Variants in MTOR observed in about 807,000 individuals in gnomAD.
MTOR encodes mechanistic target of rapamycin kinase.
In MTOR, 70 loss-of-function variants were observed where a neutral mutation model predicts 319.8. The ratio of observed to expected loss-of-function variants is 0.22; its 90% CI spans 0.18 to 0.27. The LOEUF (loss-of-function observed/expected upper bound fraction) is 0.27. MTOR is among the 10% of genes least tolerant of loss of function. The probability of loss-of-function intolerance (pLI) is 1.00; values close to 1 mark genes in which losing one functional copy is unlikely to be tolerated. For synonymous variants in MTOR, 1,183 were observed against 1,211.4 expected (o/e 0.98, Z 0.49); for missense variants, 1,890 against 3,274.4 (o/e 0.58, Z 10.32).
rs1433624424 is a variant in MTOR, at chr1:11,115,501, T to C, written c.7017-33A>G. The C allele has an allele frequency of 1.3e-6, 2 of 1,594,184 alleles. No homozygotes were observed. The highest frequency in any genetic ancestry group is 1.7e-5 in the Admixed American group (1 of 59,964). ...AAACAGAAGACAGATCAGGGAGGGA[T>C]CAACAGAGATAACGGATGAAAAAAT... is the stretch of plus-strand genomic sequence containing the variant. On this transcript the variant is annotated intron_variant, in intron 50 of 57. Transcript: ENST00000361445. The surrounding 1 kb of genome is among the most constrained non-coding windows in gnomAD (Gnocchi z 4.5).
At chr1:11,189,304 T>G in intron 28 of MTOR, 2 of 317,342 alleles carry the variant, frequency 6.3e-6, no homozygotes, top group Non-Finnish European at 5.8e-6. Context: ...ATGGTAGGGG[T>G]GGAGGTACAG....
chr1:11,146,794 A>G lies in MTOR; in HGVS notation c.4571-3T>C. 1 of 1,607,064 alleles carries G rather than the reference A, an allele frequency of 6.2e-7. No homozygotes were observed. ...TTCTTCCATGCTGTCCCACTGACCT[A>G]TACACACACACATAGACAGAAAGCA... On this transcript the variant is annotated splice_region_variant and splice_polypyrimidine_tract_variant and intron_variant, in intron 31 of 57. Transcript: ENST00000361445.
chr1:11,165,595 G>A (rs1259254200), intron 29 of MTOR, among the ~76,000 whole-genome samples: 2 of 151,846 alleles, frequency 1.3e-5, no homozygotes, highest in East Asian at 3.9e-4. Flanking sequence ...AAATAAAAGA[G>A]GACACAAACA....
chr1:11,114,590 A>G (rs1294780562), intron 52 of MTOR, 137 bp from the exon 53 acceptor site: 1 of 1,297,994 alleles, frequency 7.7e-7, no homozygotes, highest in Non-Finnish European at 1.1e-6. Context: ...TCTTAGGAGA[A>G]GGAATCAGGG....
chr1:11,220,753 A>G (rs2100823104), intron 19 of MTOR, among the ~76,000 whole-genome samples: 2 of 152,334 alleles, frequency 1.3e-5, no homozygotes, highest in African/African-American at 4.8e-5. Flanking sequence ...TCCTGTCAAC[A>G]TCTTGATTTT....
intron 15 of MTOR, 71 bp downstream of exon 15, chr1:11,233,327 T>C: frequency 3.6e-6 from 5 of 1,405,068 alleles, no homozygotes; most frequent in Non-Finnish European, 4.9e-6. Context: ...AAAAATAGTA[T>C]TTTGACTTCC....
intron 28 of MTOR, among the ~76,000 whole-genome samples, chr1:11,191,966 T>C (rs1051324061): frequency 1.3e-5 from 2 of 152,194 alleles, no homozygotes; most frequent in Non-Finnish European, 2.9e-5. Context: ...GTAACATTTC[T>C]AGAATTCATG....
intron 10 of MTOR, 132 bp downstream of exon 10, chr1:11,241,421 T>C: frequency 9.5e-7 from 1 of 1,058,068 alleles, no homozygotes; most frequent in Non-Finnish European, 1.3e-6. Flanking sequence ...TACTAGCCTG[T>C]GTGTTTAGTC....
At chr1:11,176,714 G>C (rs143692141) in intron 28 of MTOR, among the ~76,000 whole-genome samples, 2 of 152,318 alleles carry the variant, frequency 1.3e-5, no homozygotes, top group African/African-American at 4.8e-5. Flanking sequence ...GTATCAAGCA[G>C]TTTCTCTCAT....
chr1:11,150,274 C>T (rs28730683), intron 30 of MTOR, 48 bp from the exon 31 acceptor site: 1 of 1,522,398 alleles, frequency 6.6e-7, no homozygotes, highest in Non-Finnish European at 9.0e-7. Context: ...TCTCCTTAAA[C>T]TACCAATCTT....
chr1:11,156,424 G>C (rs1008462027), intron 30 of MTOR, among the ~76,000 whole-genome samples: 2 of 152,122 alleles, frequency 1.3e-5, no homozygotes, highest in South Asian at 4.1e-4. Flanking sequence ...ACATTCCCAA[G>C]CAACTCTCCA....
intron 36 of MTOR, among the ~76,000 whole-genome samples, chr1:11,138,250 CAGG>C (rs1557764429): frequency 2.4e-4 from 37 of 152,286 alleles, no homozygotes; most frequent in African/African-American, 8.7e-4. Flanking sequence ...TGGAGGAGGT[CAGG>C]CTTTGAATCA....
chr1:11,238,555 CCTTGTG>C lies in MTOR; in HGVS notation c.1843_1848del (p.His615_Lys616del). 1 of 1,614,194 alleles carries C rather than the reference CCTTGTG, an allele frequency of 6.2e-7. No individual in the cohort carries two copies. Among genetic ancestry groups the C allele is most frequent in the Non-Finnish European group, 8.5e-7 (1 of 1,180,042 alleles). ...GTGCGGGCAGCCTCCATGCGGATCT[CCTTGTG>C]CTCACTGTTCAGGAAATGATCCGCA... On this transcript the variant is annotated inframe_deletion, in exon 12 of 58. Coordinates refer to ENST00000361445, the MANE Select transcript of MTOR (RefSeq NM_004958.4).
chr1:11,242,418 T>C (rs1648173164), intron 9 of MTOR, among the ~76,000 whole-genome samples: 1 of 141,962 alleles, frequency 7.0e-6, no homozygotes, highest in African/African-American at 2.6e-5. Flanking sequence ...GAGAATCGCT[T>C]GAACCTGAGA....
At chr1:11,236,998 A>G (rs1647299097) in intron 13 of MTOR, among the ~76,000 whole-genome samples, 1 of 152,250 alleles carries the variant, frequency 6.6e-6, no homozygotes. Flanking sequence ...ACAAATTGTG[A>G]ACAAACATTT....
chr1:11,227,652 A>C (rs968820354), intron 19 of MTOR, among the ~76,000 whole-genome samples: 11 of 152,170 alleles, frequency 7.2e-5, no homozygotes, highest in Non-Finnish European at 1.2e-4. Flanking sequence ...AAAGAAAGAC[A>C]CAAGAAACAG....
At chr1:11,147,186 G>A (rs1221652916) in intron 31 of MTOR, among the ~76,000 whole-genome samples, 1 of 152,174 alleles carries the variant, frequency 6.6e-6, no homozygotes. Flanking sequence ...CAGTTCAATG[G>A]TATGTTGGGA....
At chr1:11,136,577 G>A (rs2100462100) in intron 36 of MTOR, among the ~76,000 whole-genome samples, 1 of 152,284 alleles carries the variant, frequency 6.6e-6, no homozygotes. Context: ...ATAGCTCCCT[G>A]CAGACTTGAA....
rs572274698 is a variant in MTOR at position 11,215,853 on chromosome 1, T to G, written c.3117+295A>C. 8.5e-5 allele frequency among the ~76,000 whole-genome samples: 13 copies of G among 152,348 alleles called. No individual in the cohort carries two copies. The East Asian group carries it at 2.3e-3, about 27-fold the overall frequency. The stretch of plus-strand genomic sequence containing the variant: ...AAAATAGAAAAGCACCCTTGTGATA[T>G]TAAAGTAAAATTGCTTTGTTGTGTG... On this transcript the variant is annotated intron_variant, in intron 20 of 57. Coordinates refer to ENST00000361445, the MANE Select transcript of MTOR (RefSeq NM_004958.4).
Sources: allele counts gnomAD v4.1 joint callset (sites outside exome capture counted in the v4.1 genomes callset), GRCh38; gene constraint gnomAD v4.1.1; non-coding constraint Gnocchi (gnomAD v3.1); transcripts MANE v1.5; gene names NCBI Gene and HGNC (gene_info 2026-07-23, HGNC 2026-07-21).